MANBA: variants seen among roughly 807,000 people sequenced by gnomAD.
The protein encoded by MANBA is beta-mannosidase.
MANBA carries 83 observed loss-of-function variants against 111.1 expected under a neutral mutation model. That is an observed-to-expected ratio of 0.75 (90% CI 0.63 to 0.90). The LOEUF (loss-of-function observed/expected upper bound fraction) is 0.90. MANBA is among the 40% of genes least tolerant of loss of function. The probability of loss-of-function intolerance (pLI) is 0.00; values close to 1 mark genes in which losing one functional copy is unlikely to be tolerated. For synonymous variants in MANBA, 370 were observed against 378.7 expected (o/e 0.98, Z 0.27); for missense variants, 1,036 against 1,069.0 (o/e 0.97, Z 0.43).
chr4:102,632,102 C>T lies in MANBA; in HGVS notation c.2595G>A (p.Glu865=), dbSNP rs1280343387. Reference sequence around the variant, plus strand: ...AGGTCACATGAAAAGATTGCTCCAACTCATTCTTGCTGGTGGGCTCCCAAG... The same window carrying T: ...AGGTCACATGAAAAGATTGCTCCAATTCATTCTTGCTGGTGGGCTCCCAAG... ...FYPWEPTSKN[E]LEQSFHVTSL... Residue 865 remains glutamate, a synonymous_variant, in exon 17 of 17, where the codon GAG becomes GAA. Coordinates refer to ENST00000647097, the MANE Select transcript of MANBA (RefSeq NM_005908.4). The T allele has an allele frequency of 1.9e-6, 3 of 1,612,188 alleles. No individual in the cohort carries two copies. Among genetic ancestry groups the T allele is most frequent in the African/African-American group, 2.7e-5 (2 of 74,886 alleles).
At chr4:102,712,991 T>C (rs1722148426) in intron 5 of MANBA, among the ~76,000 whole-genome samples, 1 of 152,212 alleles carries the variant, frequency 6.6e-6, no homozygotes, top group African/African-American at 2.4e-5. Flanking sequence ...AACTAGAGAA[T>C]TATAAGCACA....
chr4:102,728,941 G>T (rs1722917851), intron 1 of MANBA: 1 of 766,044 alleles, frequency 1.3e-6, no homozygotes, highest in Non-Finnish European at 2.3e-6. Flanking sequence ...TCTTTGTATG[G>T]ATACTCATGT....
At chr4:102,679,301 T>C (rs1216520181) in intron 7 of MANBA, among the ~76,000 whole-genome samples, 1 of 152,178 alleles carries the variant, frequency 6.6e-6, no homozygotes, top group South Asian at 2.1e-4. Context: ...TGACACCAGA[T>C]AGGATCACTT....
intron 1 of MANBA, among the ~76,000 whole-genome samples, chr4:102,740,400 C>T (rs1181802928): frequency 6.6e-6 from 1 of 152,100 alleles, no homozygotes; most frequent in African/African-American, 2.4e-5. Context: ...AACTCAATTC[C>T]CATCAAAATA....
chr4:102,746,110 T>C (rs193268379), intron 1 of MANBA, among the ~76,000 whole-genome samples: 218 of 152,296 alleles, frequency 1.4e-3, no homozygotes, highest in African/African-American at 4.8e-3. Context: ...GGGGAGGGGA[T>C]GTTGCCACTA....
At chr4:102,729,265 G>C in intron 1 of MANBA, 1 of 751,954 alleles carries the variant, frequency 1.3e-6, no homozygotes, top group Non-Finnish European at 2.5e-6. Flanking sequence ...CTCAGTCTTT[G>C]TACACTGCAG....
chr4:102,649,858 T>C (rs959853640), intron 13 of MANBA, among the ~76,000 whole-genome samples: 3 of 152,174 alleles, frequency 2.0e-5, no homozygotes, highest in Non-Finnish European at 2.9e-5. Flanking sequence ...GAAGCTTTAT[T>C]GTAGTACCTT....
At chr4:102,760,546 G>C (rs762690148) in intron 1 of MANBA, among the ~76,000 whole-genome samples, 172 bp downstream of exon 1, 17 of 152,304 alleles carry the variant, frequency 1.1e-4, no homozygotes, top group Admixed American at 8.5e-4. Context: ...CGTCAAGCCC[G>C]TACCCCATAG....
chr4:102,752,531 A>T (rs1723847543), intron 1 of MANBA: 2 of 707,916 alleles, frequency 2.8e-6, no homozygotes. Context: ...ATGAAGACAA[A>T]GTTCTGAGTG....
At chr4:102,716,918 A>G (rs1000946121) in intron 4 of MANBA, among the ~76,000 whole-genome samples, 12 of 152,202 alleles carry the variant, frequency 7.9e-5, no homozygotes, top group African/African-American at 2.4e-4. Flanking sequence ...ATGGAGAAAA[A>G]CAAAGAACTA....
In MANBA at chr4:102,730,469, G is replaced by A. The variant is rs148971313; in HGVS notation, c.178-3786C>T. The stretch of plus-strand genomic sequence containing the variant: ...TCGGGGTAAGGGTCAGCTGCACTGC[G>A]GGGGCGGTTCCTGGGGCAGCTCGTC... On this transcript the variant is annotated intron_variant, in intron 1 of 16. Transcript: ENST00000647097. The A allele has an allele frequency of 5.7e-3, 2,944 of 517,014 alleles. 16 individuals are homozygous for A. The highest frequency in any genetic ancestry group is 0.013 in the Middle Eastern group (20 of 1,540). 32.0% of individuals were successfully genotyped at this position (517,014 alleles called of 1,614,324 possible). A position where few individuals can be genotyped will look rare whatever the true frequency, so the allele number is the denominator to read the frequency against.
intron 5 of MANBA, among the ~76,000 whole-genome samples, chr4:102,709,503 T>A (rs1721956514): frequency 6.6e-6 from 1 of 152,052 alleles, no homozygotes; most frequent in African/African-American, 2.4e-5. Context: ...GAATCAGCAA[T>A]AAAATCTTCC....
chr4:102,676,293 G>A (rs895076023), intron 7 of MANBA, among the ~76,000 whole-genome samples: 1 of 152,030 alleles, frequency 6.6e-6, no homozygotes, highest in African/African-American at 2.4e-5. Flanking sequence ...AAAGAGAATT[G>A]AATATTTAAA....
intron 9 of MANBA, among the ~76,000 whole-genome samples, chr4:102,670,608 C>T (rs1263726684): frequency 1.3e-5 from 2 of 152,152 alleles, no homozygotes; most frequent in East Asian, 1.9e-4. Flanking sequence ...CTTTGGGAGG[C>T]AGAGGCAGGT....
Position 102,671,255 on chromosome 4 carries a change from T to A in MANBA, c.1230+26A>T, listed in dbSNP as rs546716132. 2.2e-6 allele frequency: 3 copies of A among 1,340,822 alleles called. No homozygotes were observed. In the South Asian group the frequency reaches 3.5e-5, roughly 16 times the overall value. 83.1% of individuals were successfully genotyped at this position (1,340,822 alleles called of 1,614,324 possible). Reference sequence around the variant, plus strand: ...AACTGAGGATATAGTAACTTATCAATATATAAAATGCTATCAACTTCTCAC... The same window carrying A: ...AACTGAGGATATAGTAACTTATCAAAATATAAAATGCTATCAACTTCTCAC... On this transcript the variant is annotated intron_variant, in intron 9 of 16. Coordinates refer to ENST00000647097, the MANE Select transcript of MANBA (RefSeq NM_005908.4).
At chr4:102,737,033 G>T (rs376660298) in intron 1 of MANBA, among the ~76,000 whole-genome samples, 1 of 152,098 alleles carries the variant, frequency 6.6e-6, no homozygotes, top group Non-Finnish European at 1.5e-5. Context: ...TAATAGTACC[G>T]AGAAAAGAAG....
chr4:102,699,170 G>T (rs145702431), intron 5 of MANBA, among the ~76,000 whole-genome samples: 6,069 of 152,044 alleles, frequency 0.04, 403 homozygotes, highest in African/African-American at 0.14. Context: ...TCTGTTATTG[G>T]TGTATAAGAA....
chr4:102,635,745 T>G (rs1729596621), intron 15 of MANBA, 120 bp downstream of exon 15: 1 of 1,028,260 alleles, frequency 9.7e-7, no homozygotes. Context: ...GTAGCCTGAA[T>G]ATATGTATTC....
rs1300639768 is a variant in MANBA, at chr4:102,669,027, G to A, written c.1253C>T (p.Ala418Val). 6.2e-7 allele frequency: 1 copy of A among 1,613,204 alleles called. No homozygotes were observed. ...GIMVWQDFMF[A>V]CALYPTDQGF... The stretch of plus-strand genomic sequence containing the variant: ...CTGATCAGTTGGATAAAGGGCACAG[G>A]CAAACATAAAATCCTGCCATACCTA... Residue 418 changes from alanine to valine, a missense_variant, in exon 10 of 17, where the codon GCC becomes GTC. Transcript: ENST00000647097.
Sources: gnomAD v4.1 joint callset for allele counts (sites outside exome capture counted in the v4.1 genomes callset) on GRCh38, gnomAD v4.1.1 for gene constraint, MANE v1.5 for transcripts, NCBI Gene and HGNC (gene_info 2026-07-23, HGNC 2026-07-21) for gene names.